The following SFMBT2 variants were observed in gnomAD, a reference collection of about 807,000 sequenced individuals.
SFMBT2 encodes scm-like with four MBT domains protein 2.
In SFMBT2, 38 loss-of-function variants were observed where a neutral mutation model predicts 110.1. The ratio of observed to expected loss-of-function variants is 0.35; its 90% CI spans 0.27 to 0.45. The LOEUF is 0.45. Among genes scored for constraint, SFMBT2 ranks in the 20% least tolerant of loss-of-function variants. The pLI is 1.00. For synonymous variants in SFMBT2, 425 were observed against 425.4 expected (o/e 1.00, Z 0.01); for missense variants, 1,011 against 1,094.9 (o/e 0.92, Z 1.08).
chr10:7,181,809 C>T (rs759431920), intron 16 of SFMBT2, among the ~76,000 whole-genome samples: 2 of 151,878 alleles, frequency 1.3e-5, no homozygotes, highest in South Asian at 4.2e-4. Flanking sequence ...GCTGAACATA[C>T]GAAGATACAG....
intron 7 of SFMBT2, among the ~76,000 whole-genome samples, chr10:7,250,223 C>T (rs1036213640): frequency 2.6e-5 from 4 of 152,114 alleles, no homozygotes; most frequent in East Asian, 3.8e-4. Context: ...GGTAACTTTT[C>T]GACCCATGAC....
chr10:7,383,602 T>C (rs2255014), intron 1 of SFMBT2, among the ~76,000 whole-genome samples: 142,300 of 152,250 alleles, frequency 0.93, 66,603 homozygotes, highest in East Asian at 1. Flanking sequence ...GAGAATGAAC[T>C]ATAAAACTAT....
At chr10:7,274,533 C>T (rs1841705787) in intron 7 of SFMBT2, among the ~76,000 whole-genome samples, 2 of 152,168 alleles carry the variant, frequency 1.3e-5, no homozygotes, top group South Asian at 2.1e-4. Flanking sequence ...CTCTTATTCT[C>T]CTTCCTGCTG....
At chr10:7,307,363 A>G (rs1051296448) in intron 4 of SFMBT2, among the ~76,000 whole-genome samples, 2 of 152,228 alleles carry the variant, frequency 1.3e-5, no homozygotes, top group African/African-American at 4.8e-5. Context: ...ATATGGAAGT[A>G]AAGTGTCCCA....
At chr10:7,272,676 A>G (rs1001951506) in intron 7 of SFMBT2, among the ~76,000 whole-genome samples, 3 of 152,194 alleles carry the variant, frequency 2.0e-5, no homozygotes, top group Non-Finnish European at 4.4e-5. Flanking sequence ...CCCAGGTGGG[A>G]CATTGGGAGA....
intron 9 of SFMBT2, chr10:7,228,505 A>C (rs1387567635): frequency 1.5e-5 from 4 of 263,240 alleles, no homozygotes; most frequent in African/African-American, 6.9e-5. Flanking sequence ...AGGAAGGCAA[A>C]CGTTGCCCTG....
rs1339543051 is a variant in SFMBT2, at chr10:7,283,998, A to G, written c.678T>C (p.Thr226=). The G allele has an allele frequency of 6.2e-7, 1 of 1,610,682 alleles. No individual in the cohort carries two copies. Among genetic ancestry groups the G allele is most frequent in the Non-Finnish European group, 8.5e-7 (1 of 1,176,734 alleles). ...AAAACAACCACTGGTCATAGGATTC[A>G]GTGTCCTCCAATCCCACATAGCGAA... ...LRLRYVGLED[T]ESYDQWLFYL... Residue 226 remains threonine, a synonymous_variant, in exon 6 of 21, where the codon ACT becomes ACC. Coordinates refer to ENST00000397167, the MANE Select transcript of SFMBT2 (RefSeq NM_001387889.1).
At chr10:7,298,017 G>A (rs1207869141) in intron 4 of SFMBT2, among the ~76,000 whole-genome samples, 1 of 152,206 alleles carries the variant, frequency 6.6e-6, no homozygotes, top group African/African-American at 2.4e-5. Context: ...CACCATCACT[G>A]GGGCTCGCAG....
At chr10:7,311,993 C>T (rs7076965) in intron 4 of SFMBT2, among the ~76,000 whole-genome samples, 69,314 of 151,878 alleles carry the variant, frequency 0.46, 16,493 homozygotes, top group East Asian at 0.69. Context: ...AACCAAACAC[C>T]GCATGTTCTC....
chr10:7,213,103 G>A (rs1404531216), intron 11 of SFMBT2, among the ~76,000 whole-genome samples: 1 of 152,092 alleles, frequency 6.6e-6, no homozygotes, highest in Non-Finnish European at 1.5e-5. Context: ...AGGGGAGGGA[G>A]AGCATTAGGA....
At chr10:7,263,355 C>T (rs983564086) in intron 7 of SFMBT2, among the ~76,000 whole-genome samples, 2 of 152,182 alleles carry the variant, frequency 1.3e-5, no homozygotes, top group Admixed American at 6.5e-5. Flanking sequence ...GATTCTCCTG[C>T]CTCAACCTCC....
At chr10:7,243,531 C>T (rs1434229337) in intron 9 of SFMBT2, 27 bp downstream of exon 9, 1 of 870,360 alleles carries the variant, frequency 1.1e-6, no homozygotes, top group South Asian at 1.3e-5. Flanking sequence ...AATCTCCAGA[C>T]CCTGCATACC....
At chr10:7,167,091 C>A (rs900027266) in intron 20 of SFMBT2, among the ~76,000 whole-genome samples, 2 of 152,132 alleles carry the variant, frequency 1.3e-5, no homozygotes, top group South Asian at 4.1e-4. Context: ...ATAGAGCACT[C>A]GGGTGAGGAT....
At chr10:7,281,657 C>T (rs992264612) in intron 6 of SFMBT2, among the ~76,000 whole-genome samples, 5 of 152,194 alleles carry the variant, frequency 3.3e-5, no homozygotes, top group African/African-American at 4.8e-5. Flanking sequence ...CCCAGGGATG[C>T]TGTTCTGCTG....
chr10:7,368,080 C>T (rs1162344579), intron 3 of SFMBT2, among the ~76,000 whole-genome samples, 191 bp from the exon 4 acceptor site: 1 of 152,144 alleles, frequency 6.6e-6, no homozygotes, highest in Non-Finnish European at 1.5e-5. Context: ...TTGCAGCCAG[C>T]CACGTTAAGA....
intron 15 of SFMBT2, among the ~76,000 whole-genome samples, chr10:7,192,402 A>G (rs1448611685): frequency 6.6e-6 from 1 of 152,174 alleles, no homozygotes; most frequent in Non-Finnish European, 1.5e-5. Flanking sequence ...TCGAAGAATG[A>G]AAGCTCTTCT....
chr10:7,373,291 G>A (rs145280121), intron 2 of SFMBT2, among the ~76,000 whole-genome samples: 1,825 of 152,246 alleles, frequency 0.012, 35 homozygotes, highest in African/African-American at 0.041. Context: ...CCAAGAGCGG[G>A]AACAGCCTGA....
chr10:7,168,458 C>T (rs1344233183), intron 20 of SFMBT2, among the ~76,000 whole-genome samples: 3 of 152,204 alleles, frequency 2.0e-5, no homozygotes, highest in Non-Finnish European at 2.9e-5. Context: ...CAGAATGCCA[C>T]ACCTTGTATC....
intron 10 of SFMBT2, among the ~76,000 whole-genome samples, chr10:7,221,814 G>A (rs79445911): frequency 0.016 from 2,436 of 151,794 alleles, 75 homozygotes; most frequent in African/African-American, 0.054. Flanking sequence ...ACTGTTCTCC[G>A]AGGGTAGGGC....
Sources: allele counts gnomAD v4.1 joint callset (sites outside exome capture counted in the v4.1 genomes callset), GRCh38; gene constraint gnomAD v4.1.1; transcripts MANE v1.5; gene names NCBI Gene and HGNC (gene_info 2026-07-23, HGNC 2026-07-21).